The following KIAA0513 variants were observed in gnomAD, a reference collection of about 807,000 sequenced individuals.
KIAA0513 encodes the protein uncharacterized protein KIAA0513.
A neutral mutation model predicts 56.5 loss-of-function variants in KIAA0513; 39 were observed. The ratio of observed to expected loss-of-function variants is 0.69; its 90% CI spans 0.53 to 0.90. The LOEUF is 0.90. Ranked by LOEUF, KIAA0513 falls within the 40% of genes least tolerant of loss-of-function variation. The pLI is 0.00. For missense variants in KIAA0513, 591 were observed against 535.2 expected, an observed-to-expected ratio of 1.10 and a Z score of -1.03; for synonymous variants, 268 against 215.6, an observed-to-expected ratio of 1.24 and a Z score of -2.13.
intron 3 of KIAA0513, 88 bp downstream of exon 3, chr16:85,071,970 A>G (rs2073583449): frequency 1.1e-6 from 1 of 877,928 alleles, no homozygotes; most frequent in African/African-American, 1.7e-5. Context: ...TCCTACAATG[A>G]CACTCTGGAG....
At chr16:85,034,681 A>G (rs2073010939) in intron 1 of KIAA0513, among the ~76,000 whole-genome samples, 1 of 152,184 alleles carries the variant, frequency 6.6e-6, no homozygotes, top group Non-Finnish European at 1.5e-5. Context: ...TCATATTTAT[A>G]GGGTTTCCTC....
At chr16:85,045,571 G>C (rs1157924257) in intron 1 of KIAA0513, among the ~76,000 whole-genome samples, 2 of 152,160 alleles carry the variant, frequency 1.3e-5, no homozygotes, top group Non-Finnish European at 2.9e-5. Flanking sequence ...GGCCAGACTG[G>C]TCTCGAACTC....
chr16:85,039,252 A>C (rs1281566043), intron 1 of KIAA0513, among the ~76,000 whole-genome samples: 1 of 152,214 alleles, frequency 6.6e-6, no homozygotes, highest in African/African-American at 2.4e-5. Context: ...CTTGTAACCC[A>C]AAACACTGTT....
intron 1 of KIAA0513, among the ~76,000 whole-genome samples, chr16:85,030,653 A>G (rs2143822846): frequency 6.6e-6 from 1 of 152,082 alleles, no homozygotes; most frequent in South Asian, 2.1e-4. Context: ...AGGCTGAGGC[A>G]GAATCACTGG....
chr16:85,030,519 G>A (rs1239643364), intron 1 of KIAA0513, among the ~76,000 whole-genome samples: 1 of 152,152 alleles, frequency 6.6e-6, no homozygotes, highest in African/African-American at 2.4e-5. Context: ...GGCCGAGGCA[G>A]GTGGATCACC....
chr16:85,083,986 G>A (rs1265876114), intron 10 of KIAA0513, among the ~76,000 whole-genome samples: 1 of 152,070 alleles, frequency 6.6e-6, no homozygotes, highest in Non-Finnish European at 1.5e-5. Context: ...CCACTGTAGC[G>A]GTGTAGATGC....
Position 85,066,937 on chromosome 16 carries a change from T to C in KIAA0513, c.-135T>C, listed in dbSNP as rs1472617786. 2 of 667,596 alleles carry C rather than the reference T, an allele frequency of 3.0e-6. No individual in the cohort carries two copies. Among genetic ancestry groups the C allele is most frequent in the East Asian group, 2.8e-5 (1 of 35,432 alleles). The allele number at this position is 667,596 out of a possible 1,614,324, so 41.4% of individuals were successfully genotyped here. A position where few individuals can be genotyped will look rare whatever the true frequency, so the allele number is the denominator to read the frequency against. On this transcript the variant is annotated 5_prime_UTR_variant, in exon 2 of 13. Transcript: ENST00000683363. ...CAGGTGAGCTGCTGTGAAGGACTCA[T>C]TCTTGGTAGCCGGCAGTTACTGGCA...
rs568747227 is a variant in KIAA0513, at chr16:85,071,992, G to C, written c.429+110G>C. 4.0e-6 allele frequency: 3 copies of C among 752,952 alleles called. No homozygotes were observed. In the Admixed American group the frequency reaches 7.7e-5, roughly 19 times the overall value. The allele number at this position is 752,952 out of a possible 1,614,324, so 46.6% of individuals were successfully genotyped here. On this transcript the variant is annotated intron_variant, in intron 3 of 12. Transcript: ENST00000683363. ...ATGACACTCTGGAGAAAAGAGTCAA[G>C]GGAAAGGACCCAACAGTAAAAAAAG...
chr16:85,086,673 A>G lies in KIAA0513; in HGVS notation c.1040A>G (p.Glu347Gly). The G allele has an allele frequency of 6.2e-7, 1 of 1,613,764 alleles. No homozygotes were observed. The highest frequency in any genetic ancestry group is 8.5e-7 in the Non-Finnish European group (1 of 1,179,980). ...REKWCHMTQE[E>G]RDDSLRFNEN... ...AAGTGGTGCCACATGACCCAGGAGG[A>G]GCGCGACGACAGCCTCCGGTTCAAC... is the stretch of plus-strand genomic sequence containing the variant. The change falls in exon 11 of 13, where the codon GAG (glutamate) becomes GGG (glycine). Residue 347 changes from glutamate to glycine, a missense_variant. Transcript: ENST00000683363.
chr16:85,082,239 T>C (rs755269691), intron 9 of KIAA0513, among the ~76,000 whole-genome samples: 4 of 152,056 alleles, frequency 2.6e-5, no homozygotes, highest in South Asian at 2.1e-4. Context: ...GCCTGGAGCA[T>C]TGTGCCATGG....
At chr16:85,080,742 G>A (rs768842048) in intron 8 of KIAA0513, among the ~76,000 whole-genome samples, 15 of 152,210 alleles carry the variant, frequency 9.9e-5, no homozygotes, top group Non-Finnish European at 1.8e-4. Context: ...GCAGTGAGCC[G>A]AGATTGTGCC....
chr16:85,037,737 G>C (rs1250900259), intron 1 of KIAA0513, among the ~76,000 whole-genome samples: 1 of 152,192 alleles, frequency 6.6e-6, no homozygotes, highest in African/African-American at 2.4e-5. Context: ...GTCTGCTCTT[G>C]TGGAAGCAAG....
At chr16:85,030,469 G>T (rs968452637) in intron 1 of KIAA0513, among the ~76,000 whole-genome samples, 2 of 152,288 alleles carry the variant, frequency 1.3e-5, no homozygotes, top group Middle Eastern at 6.8e-3. Context: ...AGGGCTGGGC[G>T]CGGTGGCTGT....
Position 85,091,870 on chromosome 16 carries a change from G to T in KIAA0513, c.*3545G>T, listed in dbSNP as rs796578223. The T allele has an allele frequency of 7.2e-5, 11 of 152,276 alleles. No individual in the cohort carries two copies. Among genetic ancestry groups the T allele is most frequent in the African/African-American group, 2.6e-4 (11 of 41,572 alleles). 9.4% of individuals were successfully genotyped at this position (152,276 alleles called of 1,614,324 possible). A position where few individuals can be genotyped will look rare whatever the true frequency, so the allele number is the denominator to read the frequency against. ...TGTGAAAGGTTTCAGTCTAACTGGG[G>T]TTCCTTAGCTGGAAGCCAGGGCTGG... On this transcript the variant is annotated 3_prime_UTR_variant, in exon 13 of 13. Transcript: ENST00000683363.
chr16:85,094,038 C>G lies in KIAA0513; in HGVS notation c.*5713C>G, dbSNP rs138925846. 3.9e-5 allele frequency: 6 copies of G among 152,160 alleles called. No individual in the cohort carries two copies. The highest frequency in any genetic ancestry group is 3.9e-4 in the East Asian group (2 of 5,192). 9.4% of individuals were successfully genotyped at this position (152,160 alleles called of 1,614,324 possible). A position where few individuals can be genotyped will look rare whatever the true frequency, so the allele number is the denominator to read the frequency against. On this transcript the variant is annotated 3_prime_UTR_variant, in exon 13 of 13. Coordinates refer to ENST00000683363, the MANE Select transcript of KIAA0513 (RefSeq NM_001388359.1). ...AGTGACACCAGTATCTTCTCTGTTG[C>G]ATTTTTGCAATCTTGTGTCCCGCTC...
intron 1 of KIAA0513, among the ~76,000 whole-genome samples, chr16:85,061,428 G>A (rs1233713074): frequency 2.0e-5 from 3 of 152,124 alleles, no homozygotes; most frequent in East Asian, 1.9e-4. Flanking sequence ...GCCTCTCCCC[G>A]CCTTGCCTTA....
intron 1 of KIAA0513, among the ~76,000 whole-genome samples, chr16:85,051,552 C>T (rs569304892): frequency 2.0e-5 from 3 of 152,298 alleles, no homozygotes; most frequent in South Asian, 4.2e-4. Context: ...GGTGGTGGCT[C>T]CGCCTTGCTG....
intron 10 of KIAA0513, among the ~76,000 whole-genome samples, chr16:85,086,431 G>T (rs769733290): frequency 1.3e-5 from 2 of 152,244 alleles, no homozygotes; most frequent in Non-Finnish European, 2.9e-5. Flanking sequence ...TGAAGAGTGA[G>T]ATGAATGTTG....
chr16:85,074,662 G>T (rs917001995), intron 4 of KIAA0513, among the ~76,000 whole-genome samples: 1 of 152,156 alleles, frequency 6.6e-6, no homozygotes, highest in African/African-American at 2.4e-5. Context: ...TTCAGAGCTG[G>T]CCAGGGGAGG....
Sources: gnomAD v4.1 joint callset for allele counts (sites outside exome capture counted in the v4.1 genomes callset) on GRCh38, gnomAD v4.1.1 for gene constraint, MANE v1.5 for transcripts, NCBI Gene and HGNC (gene_info 2026-07-23, HGNC 2026-07-21) for gene names.